USP37: variants seen among roughly 807,000 people sequenced by gnomAD.
USP37 encodes ubiquitin specific peptidase 37, also known as ubiquitin carboxyl-terminal hydrolase 37.
A neutral mutation model predicts 124.0 loss-of-function variants in USP37; 27 were observed. The ratio of observed to expected loss-of-function variants is 0.22; its 90% confidence interval spans 0.16 to 0.30. The LOEUF is 0.30. Among genes scored for constraint, USP37 ranks in the 10% least tolerant of loss-of-function variants. The pLI, the probability that USP37 is intolerant of heterozygous loss-of-function variation, is 1.00. For synonymous variants in USP37, 365 were observed against 388.0 expected (o/e 0.94, Z 0.70); for missense variants, 889 against 1,140.4 (o/e 0.78, Z 3.17).
intron 10 of USP37, among the ~76,000 whole-genome samples, chr2:218,524,681 C>T (rs1239844403): frequency 6.6e-6 from 1 of 152,196 alleles, no homozygotes; most frequent in African/African-American, 2.4e-5. Context: ...GCGTTTTCGG[C>T]TCACTGCAAC....
At chr2:218,562,609 C>T in intron 2 of USP37, 64 bp downstream of exon 2, 1 of 397,110 alleles carries the variant, frequency 2.5e-6, no homozygotes, top group Non-Finnish European at 4.4e-6. Flanking sequence ...AAACACAAAA[C>T]TGTCAGTTCC....
chr2:218,459,953 G>A (rs1689913514), intron 22 of USP37, 48 bp from the exon 23 acceptor site: 1 of 1,455,512 alleles, frequency 6.9e-7, no homozygotes, highest in South Asian at 1.2e-5. Context: ...GGAATAGAAT[G>A]GACGTGGTGG....
At chr2:218,518,128 A>G (rs775977947) in intron 10 of USP37, among the ~76,000 whole-genome samples, 4 of 151,914 alleles carry the variant, frequency 2.6e-5, no homozygotes, top group African/African-American at 4.8e-5. Context: ...ACTAATTTTT[A>G]ATTTTTTTGT....
intron 21 of USP37, among the ~76,000 whole-genome samples, chr2:218,463,842 G>A (rs1305430743): frequency 7.0e-6 from 1 of 143,566 alleles, no homozygotes; most frequent in East Asian, 2.0e-4. Flanking sequence ...GCCCACTCCA[G>A]TATTTTTTAA....
At chr2:218,469,897 T>C (rs1690579384) in intron 20 of USP37, among the ~76,000 whole-genome samples, 1 of 144,794 alleles carries the variant, frequency 6.9e-6, no homozygotes, top group Admixed American at 7.3e-5. Flanking sequence ...CTCGACTCAC[T>C]GCAACCTCTG....
intron 1 of USP37, among the ~76,000 whole-genome samples, chr2:218,567,248 G>A (rs2106069903): frequency 6.6e-6 from 1 of 152,214 alleles, no homozygotes; most frequent in South Asian, 2.1e-4. Flanking sequence ...CCTTTCAGCA[G>A]AATGCAACAC....
At chr2:218,479,102 A>T (rs1201421916) in intron 18 of USP37, among the ~76,000 whole-genome samples, 1 of 152,174 alleles carries the variant, frequency 6.6e-6, no homozygotes, top group Non-Finnish European at 1.5e-5. Context: ...TAAAAAGCAA[A>T]CAAAAAAGGC....
intron 10 of USP37, among the ~76,000 whole-genome samples, chr2:218,523,736 T>C (rs1690797900): frequency 6.6e-6 from 1 of 152,170 alleles, no homozygotes; most frequent in Admixed American, 6.5e-5. Flanking sequence ...TTTAATTTGT[T>C]TTAATAACCT....
chr2:218,521,648 T>C (rs1690626781), intron 10 of USP37, among the ~76,000 whole-genome samples: 1 of 152,230 alleles, frequency 6.6e-6, no homozygotes, highest in African/African-American at 2.4e-5. Context: ...GCTTCATCCA[T>C]GTCCCTGCAA....
intron 8 of USP37, among the ~76,000 whole-genome samples, chr2:218,542,047 T>C (rs967319657): frequency 1.3e-5 from 2 of 152,170 alleles, no homozygotes; most frequent in African/African-American, 4.8e-5. Context: ...CCAGCCTCCC[T>C]GCCTCAAGCT....
At chr2:218,545,682 C>CA (rs568848156) in intron 8 of USP37, among the ~76,000 whole-genome samples, 7,391 of 143,912 alleles carry the variant, frequency 0.051, 498 homozygotes, top group African/African-American at 0.16. Flanking sequence ...CCCTAGAAGA[C>CA]AAAAAAAAAA....
At chr2:218,564,329 A>T (rs490483) in intron 1 of USP37, among the ~76,000 whole-genome samples, 100,753 of 152,078 alleles carry the variant, frequency 0.66, 33,833 homozygotes, top group East Asian at 0.9. Context: ...TTAATTTTTA[A>T]AATAATCCTA....
chr2:218,476,763 T>C (rs1362021919), intron 19 of USP37, 77 bp downstream of exon 19: 9 of 1,431,650 alleles, frequency 6.3e-6, no homozygotes, highest in African/African-American at 4.4e-5. Flanking sequence ...AGTTTGATGA[T>C]GGTTATGAAA....
At chr2:218,474,960 G>A (rs1690886457) in intron 19 of USP37, 75 bp from the exon 20 acceptor site, 1 of 1,449,590 alleles carries the variant, frequency 6.9e-7, no homozygotes, top group Non-Finnish European at 9.2e-7. Flanking sequence ...ATTTAAAGTA[G>A]CAACTTTATT....
In USP37 at chr2:218,546,359, T is replaced by A. The variant is rs191931339; in HGVS notation, c.603-61A>T. ...CCACAATTCATATCACAAAAATTCA[T>A]AAATCAACATACTGAAGGACAGGAA... is the stretch of plus-strand genomic sequence containing the variant. On this transcript the variant is annotated intron_variant, in intron 7 of 25. Transcript: ENST00000258399. The A allele has an allele frequency of 1.3e-5, 15 of 1,166,246 alleles. No homozygotes were observed. The African/African-American group carries it at 2.0e-4, about 15-fold the overall frequency. 72.2% of individuals were successfully genotyped at this position (1,166,246 alleles called of 1,614,324 possible).
At chr2:218,456,259 G>A (rs899494654) in intron 24 of USP37, among the ~76,000 whole-genome samples, 1 of 151,864 alleles carries the variant, frequency 6.6e-6, no homozygotes, top group African/African-American at 2.4e-5. Flanking sequence ...AACCAGCTTG[G>A]GCAACAAAGC....
rs191073584 is a variant in USP37, at chr2:218,562,643, A to G, written c.-89+30T>C. The G allele has an allele frequency of 1.5e-3, 617 of 398,284 alleles. 1 individual carries two copies. The highest frequency in any genetic ancestry group is 0.013 in the Middle Eastern group (20 of 1,588). The allele number at this position is 398,284 out of a possible 1,614,324, so 24.7% of individuals were successfully genotyped here. A position where few individuals can be genotyped will look rare whatever the true frequency, so the allele number is the denominator to read the frequency against. On this transcript the variant is annotated intron_variant, in intron 2 of 25. Transcript: ENST00000258399. ...CCCGCCAGATTGCATGCTCTTTGAA[A>G]CATATATCCAAAACAAAAACATTAC... is the stretch of plus-strand genomic sequence containing the variant.
rs144473565 is a variant in USP37 at position 218,476,952 on chromosome 2, A to G, written c.1931T>C (p.Leu644Ser). 6.5e-7 allele frequency: 1 copy of G among 1,549,842 alleles called. No homozygotes were observed. The highest frequency in any genetic ancestry group is 8.7e-7 in the Non-Finnish European group (1 of 1,150,448). The change falls in exon 19 of 26, where the codon TTG becomes TCG. Residue 644 changes from leucine to serine, a missense_variant. Leu to Ser is a moderately radical substitution (Grantham distance 145). Transcript: ENST00000258399. ...KKFTFKSKSSLALCLDSDSED... is the reference protein window; with the variant it reads ...KKFTFKSKSSSALCLDSDSED... ...ACTGTCTGAATCAAGGCATAAAGCC[A>G]AGGAGCTCTTGGATTTGAAGGTGAA... is the stretch of plus-strand genomic sequence containing the variant.
chr2:218,501,591 GA>G (rs1336620361), intron 11 of USP37, among the ~76,000 whole-genome samples: 1 of 152,180 alleles, frequency 6.6e-6, no homozygotes, highest in African/African-American at 2.4e-5. Flanking sequence ...GAAAATAAAT[GA>G]TGTGAGTCCT....
Sources: gnomAD v4.1 joint callset for allele counts (sites outside exome capture counted in the v4.1 genomes callset) on GRCh38, gnomAD v4.1.1 for gene constraint, MANE v1.5 for transcripts, NCBI Gene and HGNC (gene_info 2026-07-23, HGNC 2026-07-21) for gene names.